Variants in CENPP observed in about 807,000 individuals in gnomAD.
CENPP encodes the protein centromere protein P.
A neutral mutation model predicts 35.6 loss-of-function variants in CENPP; 24 were observed. The ratio of observed to expected loss-of-function variants is 0.67; its 90% CI spans 0.49 to 0.95. CENPP has a LOEUF of 0.95. CENPP is among the 40% of genes least tolerant of loss of function. CENPP has a pLI of 0.00. For synonymous variants in CENPP, 120 were observed against 125.5 expected, an observed-to-expected ratio of 0.96 and a Z score of 0.29; for missense variants, 332 against 345.3, an observed-to-expected ratio of 0.96 and a Z score of 0.31.
chr9:92,579,614 G>A (rs1850369203), intron 5 of CENPP, among the ~76,000 whole-genome samples: 1 of 151,222 alleles, frequency 6.6e-6, no homozygotes, highest in Admixed American at 6.6e-5. Context: ...TCTGTTATTG[G>A]TGTATAAGAA....
In CENPP at chr9:92,536,898, T is replaced by C. The variant is rs1235528545; in HGVS notation, c.565-74416T>C. Among the ~76,000 whole-genome samples, 3 of 150,744 alleles carry C rather than the reference T, an allele frequency of 2.0e-5. 1 individual carries two copies. Among genetic ancestry groups the C allele is most frequent in the East Asian group, 3.9e-4 (2 of 5,160 alleles). On this transcript the variant is annotated intron_variant, in intron 5 of 7. Coordinates refer to ENST00000375587, the MANE Select transcript of CENPP (RefSeq NM_001012267.3). ...TTTTTTTTTTTTTGAGACGGGAGTT[T>C]TTGCTCTGTTGCCCAGGCTAGAGTG...
At position 92,609,567 on chromosome 9, in the gene CENPP, C is replaced by T. The variant is rs1019454268; in HGVS notation, c.565-1747C>T. Among the ~76,000 whole-genome samples, 16 of 152,296 alleles carry T rather than the reference C, an allele frequency of 1.1e-4. No homozygotes were observed. The East Asian group carries it at 3.1e-3, about 29-fold the overall frequency. ...GGCTTGCATGAGACTTAAGCAGCAC[C>T]CCCAGGCTTCTATATCAGTCGCTGT... On this transcript the variant is annotated intron_variant, in intron 5 of 7. Transcript: ENST00000375587.
intron 3 of CENPP, among the ~76,000 whole-genome samples, chr9:92,342,622 T>A (rs1245942761): frequency 6.6e-6 from 1 of 152,200 alleles, no homozygotes; most frequent in Non-Finnish European, 1.5e-5. Context: ...AACAAGGTGT[T>A]GGAAGAAATT....
At chr9:92,382,517 T>C (rs1402083040) in intron 5 of CENPP, among the ~76,000 whole-genome samples, 1 of 152,204 alleles carries the variant, frequency 6.6e-6, no homozygotes, top group East Asian at 1.9e-4. Flanking sequence ...TAAATTTTGA[T>C]GGAGACCAGT....
At chr9:92,600,724 T>G (rs190684443) in intron 5 of CENPP, among the ~76,000 whole-genome samples, 1 of 152,226 alleles carries the variant, frequency 6.6e-6, no homozygotes, top group Non-Finnish European at 1.5e-5. Flanking sequence ...TGCCCCACCA[T>G]GGGTTTGGAA....
chr9:92,515,943 A>G (rs1248373644), intron 5 of CENPP, among the ~76,000 whole-genome samples: 2 of 152,158 alleles, frequency 1.3e-5, no homozygotes, highest in Non-Finnish European at 2.9e-5. Flanking sequence ...TAGACAGTTA[A>G]TCTACATTTA....
chr9:92,364,710 C>T (rs1339438948), intron 4 of CENPP, among the ~76,000 whole-genome samples: 1 of 152,096 alleles, frequency 6.6e-6, no homozygotes, highest in Non-Finnish European at 1.5e-5. Context: ...TTGTATTAGT[C>T]TCTAAGAATA....
chr9:92,578,626 T>C (rs1002761804), intron 5 of CENPP, among the ~76,000 whole-genome samples: 5 of 152,204 alleles, frequency 3.3e-5, no homozygotes, highest in East Asian at 3.9e-4. Context: ...TCATGTCCTT[T>C]GCCCACTTTT....
chr9:92,551,906 T>TTA (rs1169437029), intron 5 of CENPP, among the ~76,000 whole-genome samples: 2 of 134,420 alleles, frequency 1.5e-5, no homozygotes, highest in Non-Finnish European at 3.1e-5. Flanking sequence ...ACAGCATTTG[T>TTA]TATATATATG....
intron 5 of CENPP, among the ~76,000 whole-genome samples, chr9:92,567,373 G>GATAGATATAT (rs1554688237): frequency 4.6e-5 from 6 of 129,082 alleles, no homozygotes; most frequent in East Asian, 2.5e-4. Context: ...ACATAAGATA[G>GATAGATATAT]ATATATATAT....
chr9:92,378,834 GTGTGGTGGTGTGGTAATTGTTCTGACAA>G (rs977135721), intron 4 of CENPP, among the ~76,000 whole-genome samples: 2 of 152,202 alleles, frequency 1.3e-5, no homozygotes, highest in African/African-American at 2.4e-5. Flanking sequence ...AGGATACGTG[GTGTGGTGGTGTGGTAATTGTTCTGACAA>G]TGGTTCTCTG....
At chr9:92,449,560 C>G (rs1193034504) in intron 5 of CENPP, among the ~76,000 whole-genome samples, 1 of 144,618 alleles carries the variant, frequency 6.9e-6, no homozygotes, top group Non-Finnish European at 1.5e-5. Flanking sequence ...TGAAAATGTT[C>G]TTTAAACATC....
intron 5 of CENPP, among the ~76,000 whole-genome samples, chr9:92,513,873 G>A: frequency 6.6e-6 from 1 of 152,040 alleles, no homozygotes; most frequent in East Asian, 1.9e-4. Context: ...TCAAAACTCA[G>A]AACTATATAC....
In CENPP at chr9:92,613,245, C is replaced by A. The variant is rs1004602976; in HGVS notation, c.*96C>A. On this transcript the variant is annotated 3_prime_UTR_variant, in exon 8 of 8. Coordinates refer to ENST00000375587, the MANE Select transcript of CENPP (RefSeq NM_001012267.3). Reference sequence around the variant, plus strand: ...TTTGCTATTTTCTGCTTAGAAACCACACCCTGAAGACGTGCTGTCTATGCA... The same window carrying A: ...TTTGCTATTTTCTGCTTAGAAACCAAACCCTGAAGACGTGCTGTCTATGCA... 4 of 1,463,254 alleles carry A rather than the reference C, an allele frequency of 2.7e-6. No homozygotes were observed. Among genetic ancestry groups the A allele is most frequent in the Non-Finnish European group, 2.9e-6 (3 of 1,050,776 alleles). The allele number at this position is 1,463,254 out of a possible 1,614,324, so 90.6% of individuals were successfully genotyped here.
At chr9:92,416,097 TA>T (rs1424320205) in intron 5 of CENPP, among the ~76,000 whole-genome samples, 2,351 of 140,902 alleles carry the variant, frequency 0.017, 74 homozygotes, top group African/African-American at 0.057. Flanking sequence ...TTTATTTATT[TA>T]TTTTATTTTT....
rs148882601 is a variant in CENPP at position 92,438,479 on chromosome 9, A to G, written c.564+58620A>G. ...GCCCTCCTTATTAGGGTAGTTTTACAGTAAGTTCTGCCATTGGAGAGTATA... is the reference window on the plus strand; with the variant it reads ...GCCCTCCTTATTAGGGTAGTTTTACGGTAAGTTCTGCCATTGGAGAGTATA... On this transcript the variant is annotated intron_variant, in intron 5 of 7. Coordinates refer to ENST00000375587, the MANE Select transcript of CENPP (RefSeq NM_001012267.3). Among the ~76,000 whole-genome samples the G allele has an allele frequency of 5.9e-5, 9 of 152,334 alleles. No homozygotes were observed. The East Asian group carries it at 1.3e-3, about 23-fold the overall frequency.
intron 5 of CENPP, among the ~76,000 whole-genome samples, chr9:92,457,708 G>T (rs144392142): frequency 1.3e-5 from 2 of 152,088 alleles, no homozygotes; most frequent in Non-Finnish European, 1.5e-5. Context: ...AAGGACTCCC[G>T]CCAGGGCCCA....
chr9:92,600,330 T>C, intron 5 of CENPP: 1 of 1,512,062 alleles, frequency 6.6e-7, no homozygotes, highest in Non-Finnish European at 8.9e-7. Flanking sequence ...GCTGTTTGTT[T>C]ATTAAAATTC....
At chr9:92,535,542 T>C (rs993054151) in intron 5 of CENPP, among the ~76,000 whole-genome samples, 1 of 152,148 alleles carries the variant, frequency 6.6e-6, no homozygotes, top group African/African-American at 2.4e-5. Context: ...AAAATATTAA[T>C]TTAGAATTTT....
Sources: gnomAD v4.1 joint callset for allele counts (sites outside exome capture counted in the v4.1 genomes callset) on GRCh38, gnomAD v4.1.1 for gene constraint, MANE v1.5 for transcripts, NCBI Gene and HGNC (gene_info 2026-07-23, HGNC 2026-07-21) for gene names.